Variants in RABIF observed in about 807,000 individuals in gnomAD.
RABIF encodes RAB interacting factor.
RABIF carries 13 observed loss-of-function variants against 12.3 expected under a neutral mutation model. The ratio of observed to expected loss-of-function variants is 1.06; its 90% CI spans 0.69 to 1.68. The LOEUF is 1.68. RABIF is among the 40% of genes most tolerant of loss of function. The pLI is 0.00. For synonymous variants in RABIF, 70 were observed against 63.3 expected (o/e 1.11, Z -0.50); for missense variants, 153 against 158.0 (o/e 0.97, Z 0.17).
intron 1 of RABIF, among the ~76,000 whole-genome samples, chr1:202,881,867 C>A (rs560068996): frequency 6.6e-6 from 1 of 152,342 alleles, no homozygotes; most frequent in South Asian, 2.1e-4. Context: ...GCCCTCAGAT[C>A]TTGGTATGGC....
chr1:202,885,220 A>G lies in RABIF; in HGVS notation c.126+3753T>C, dbSNP rs75271993. 4.1e-3 allele frequency among the ~76,000 whole-genome samples: 620 copies of G among 152,242 alleles called. 3 individuals carry two copies. The highest frequency in any genetic ancestry group is 0.014 in the African/African-American group (597 of 41,516). On this transcript the variant is annotated intron_variant, in intron 1 of 1. Transcript: ENST00000367262. ...ACTAAAAATGTCTCCAGATATTGCTACATGTCCTCTGGAGGTCTGGGGATG... is the reference window on the plus strand; with the variant it reads ...ACTAAAAATGTCTCCAGATATTGCTGCATGTCCTCTGGAGGTCTGGGGATG...
At chr1:202,885,086 CAAAAAAAAAA>C (rs113531957) in intron 1 of RABIF, among the ~76,000 whole-genome samples, 22 of 120,604 alleles carry the variant, frequency 1.8e-4, no homozygotes, top group African/African-American at 3.1e-4. Context: ...GACTCTATCT[CAAAAAAAAAA>C]AAAAAAAAAA....
At chr1:202,882,707 T>C (rs946869573) in intron 1 of RABIF, among the ~76,000 whole-genome samples, 1 of 151,974 alleles carries the variant, frequency 6.6e-6, no homozygotes, top group East Asian at 1.9e-4. Flanking sequence ...TCTGAAATTA[T>C]CGTATTAATT....
At position 202,889,130 on chromosome 1, in the gene RABIF, G is replaced by C. The variant is rs1224504657; in HGVS notation, c.-32C>G. On this transcript the variant is annotated 5_prime_UTR_variant, in exon 1 of 2. Transcript: ENST00000367262. ...TGCCGCCACAGGCTCCTCAGCCACGGCTGCGCAGACGCTGTCTCTGCTGGC... is the reference window on the plus strand; with the variant it reads ...TGCCGCCACAGGCTCCTCAGCCACGCCTGCGCAGACGCTGTCTCTGCTGGC... 1 of 1,586,400 alleles carries C rather than the reference G, an allele frequency of 6.3e-7. No homozygotes were observed. The highest frequency in any genetic ancestry group is 1.4e-5 in the African/African-American group (1 of 73,304).
At chr1:202,888,207 TCAA>T (rs2102398658) in intron 1 of RABIF, among the ~76,000 whole-genome samples, 2 of 152,312 alleles carry the variant, frequency 1.3e-5, no homozygotes, top group African/African-American at 4.8e-5. Context: ...TATTTGCACT[TCAA>T]CACAGTTTAC....
Position 202,879,980 on chromosome 1 carries a change from T to C in RABIF, c.*998A>G, listed in dbSNP as rs775441447. The C allele has an allele frequency of 6.6e-6, 1 of 152,224 alleles. No individual in the cohort carries two copies. Among genetic ancestry groups the C allele is most frequent in the Non-Finnish European group, 1.5e-5 (1 of 68,038 alleles). 9.4% of individuals were successfully genotyped at this position (152,224 alleles called of 1,614,324 possible). On this transcript the variant is annotated 3_prime_UTR_variant, in exon 2 of 2. Coordinates refer to ENST00000367262, the MANE Select transcript of RABIF (RefSeq NM_002871.5). ...CCGGAGCTATGGAAATTTGTATCCA[T>C]GCATCTGGATGGAAGTTTGTATCCT...
At chr1:202,887,342 A>T (rs6667055) in intron 1 of RABIF, among the ~76,000 whole-genome samples, 124,089 of 150,842 alleles carry the variant, frequency 0.82, 51,308 homozygotes, top group East Asian at 0.89. Flanking sequence ...ATTATGAAAA[A>T]TTTTTTTTTT....
chr1:202,881,993 G>T (rs547495389), intron 1 of RABIF, among the ~76,000 whole-genome samples: 1 of 152,334 alleles, frequency 6.6e-6, no homozygotes, highest in Non-Finnish European at 1.5e-5. Flanking sequence ...TAGTTTTATT[G>T]AGGTATAATT....
chr1:202,888,971 A>G lies in RABIF; in HGVS notation c.126+2T>C. The G allele has an allele frequency of 3.9e-6, 6 of 1,556,952 alleles. No individual in the cohort carries two copies. The highest frequency in any genetic ancestry group is 5.2e-6 in the Non-Finnish European group (6 of 1,150,308). ...TAAACGGCCTCCAACCTGCCTCCCT[A>G]CCTGTCGGCGAGAGAAGAGAGCGGT... On this transcript the variant is annotated splice_donor_variant, in intron 1 of 1. Coordinates refer to ENST00000367262, the MANE Select transcript of RABIF (RefSeq NM_002871.5). LOFTEE classifies it high-confidence loss of function.
At chr1:202,882,758 A>T (rs1454294652) in intron 1 of RABIF, among the ~76,000 whole-genome samples, 1 of 152,090 alleles carries the variant, frequency 6.6e-6, no homozygotes, top group Non-Finnish European at 1.5e-5. Flanking sequence ...CTCAACTAGA[A>T]TATCAGCTCC....
At position 202,889,092 on chromosome 1, in the gene RABIF, G is replaced by C. The variant is rs1392145294; in HGVS notation, c.7C>G (p.Pro3Ala). ME[P>A]AEQPSELVSA... ...ACTAACTCGCTCGGCTGCTCCGCTG[G>C]TTCCATCGCCGCTGCCGCCACAGGC... is the stretch of plus-strand genomic sequence containing the variant. Residue 3 changes from proline (P) to alanine (A), a missense_variant, in exon 1 of 2, where the codon CCA becomes GCA. By Grantham distance (27) the Pro-to-Ala change is conservative. Around this residue, in one of 2 missense-constraint regions of RABIF, gnomAD observed 113 missense variants for 90.9 expected, o/e 1.24. Transcript: ENST00000367262. 4.4e-6 allele frequency: 7 copies of C among 1,604,294 alleles called. No individual in the cohort carries two copies. The highest frequency in any genetic ancestry group is 1.7e-5 in the Admixed American group (1 of 59,000).
chr1:202,883,695 C>T (rs1659521971), intron 1 of RABIF, among the ~76,000 whole-genome samples: 1 of 152,172 alleles, frequency 6.6e-6, no homozygotes, highest in Middle Eastern at 3.2e-3. Context: ...ACCACCTTCC[C>T]TCTCTCGGTT....
At chr1:202,882,564 A>C (rs1659506013) in intron 1 of RABIF, among the ~76,000 whole-genome samples, 1 of 152,158 alleles carries the variant, frequency 6.6e-6, no homozygotes, top group African/African-American at 2.4e-5. Flanking sequence ...AAAAAGTAAT[A>C]AAATAAAATG....
At chr1:202,888,832 C>T (rs768556743) in intron 1 of RABIF, 141 bp downstream of exon 1, 40 of 1,204,844 alleles carry the variant, frequency 3.3e-5, no homozygotes, top group African/African-American at 2.4e-4. Context: ...CCTCGCCGAG[C>T]TGAGGCCCGA....
At position 202,889,031 on chromosome 1, in the gene RABIF, C is replaced by T; in HGVS notation, c.68G>A (p.Cys23Tyr). ...CAGCACCCGGGAGCCGCAACGCTGG[C>T]ACAGCACCGCCTTCCGGTTTCGGCC... ...AEGRNRKAVLCQRCGSRVLQP... is the reference protein window; with the variant it reads ...AEGRNRKAVLYQRCGSRVLQP... Residue 23 changes from cysteine (C) to tyrosine (Y), a missense_variant, in exon 1 of 2, where the codon TGC (cysteine) becomes TAC (tyrosine). This residue lies in a region of RABIF where 113 missense variants were observed against 90.9 expected (regional missense o/e 1.24). Coordinates refer to ENST00000367262, the MANE Select transcript of RABIF (RefSeq NM_002871.5). 1 of 1,608,558 alleles carries T rather than the reference C, an allele frequency of 6.2e-7. No individual in the cohort carries two copies. Among genetic ancestry groups the T allele is most frequent in the East Asian group, 2.2e-5 (1 of 44,474 alleles).
rs924170049 is a variant in RABIF, at chr1:202,879,653, G to A, written c.*1325C>T. 6.6e-6 allele frequency: 1 copy of A among 152,234 alleles called. No individual in the cohort carries two copies. Among genetic ancestry groups the A allele is most frequent in the African/African-American group, 2.4e-5 (1 of 41,468 alleles). The allele number at this position is 152,234 out of a possible 1,614,324, so 9.4% of individuals were successfully genotyped here. A position where few individuals can be genotyped will look rare whatever the true frequency, so the allele number is the denominator to read the frequency against. ...AGGGGAGTAGGTTGGTTGCAAAACT[G>A]TGCCCAAGGCCACCTTGCACTGCAG... is the stretch of plus-strand genomic sequence containing the variant. On this transcript the variant is annotated 3_prime_UTR_variant, in exon 2 of 2. Coordinates refer to ENST00000367262, the MANE Select transcript of RABIF (RefSeq NM_002871.5).
chr1:202,888,841 G>A, intron 1 of RABIF, 132 bp downstream of exon 1: 1 of 1,271,500 alleles, frequency 7.9e-7, no homozygotes, highest in South Asian at 1.7e-5. Context: ...GCTGAGGCCC[G>A]AGGGGCGGGG....
At chr1:202,882,332 T>C (rs1659502925) in intron 1 of RABIF, among the ~76,000 whole-genome samples, 2 of 152,090 alleles carry the variant, frequency 1.3e-5, no homozygotes, top group Admixed American at 1.3e-4. Context: ...TGCAGTGAGC[T>C]GAGATCACAC....
chr1:202,882,928 T>G (rs370919402), intron 1 of RABIF, among the ~76,000 whole-genome samples: 2 of 152,202 alleles, frequency 1.3e-5, no homozygotes, highest in Admixed American at 6.5e-5. Flanking sequence ...ATTTATCTTA[T>G]AAAAAGAAAA....
Sources: allele counts gnomAD v4.1 joint callset (sites outside exome capture counted in the v4.1 genomes callset), GRCh38; gene constraint gnomAD v4.1.1; regional missense constraint gnomAD v4.1.1; transcripts MANE v1.5; gene names NCBI Gene and HGNC (gene_info 2026-07-23, HGNC 2026-07-21).